The following SEMA3A variants were observed in gnomAD, a reference collection of about 807,000 sequenced individuals.
SEMA3A encodes the protein semaphorin-3A.
SEMA3A carries 29 observed loss-of-function variants against 97.9 expected under a neutral mutation model. The observed-to-expected ratio is 0.30, with a 90% CI of 0.22 to 0.40. The LOEUF (loss-of-function observed/expected upper bound fraction) is 0.40. SEMA3A is among the 10% of genes least tolerant of loss of function. The pLI is 1.00. For synonymous variants in SEMA3A, 321 were observed against 323.7 expected (o/e 0.99, Z 0.09); for missense variants, 763 against 951.3 (o/e 0.80, Z 2.60).
intron 13 of SEMA3A, among the ~76,000 whole-genome samples, chr7:83,981,719 G>A (rs1031563824): frequency 2.0e-5 from 3 of 152,154 alleles, no homozygotes; most frequent in African/African-American, 4.8e-5. Flanking sequence ...TAAAACAAAG[G>A]AAAGATGAAG....
At position 84,401,707 on chromosome 7, in the gene SEMA3A, C is replaced by T. The variant is rs1416339262; in HGVS notation, c.-245-29807G>A. Reference sequence around the variant, plus strand: ...TGGGGGACCAAGAAATAACTACACACATTTAAAGCCAAATGATTTTTCAGA... The same window carrying T: ...TGGGGGACCAAGAAATAACTACACATATTTAAAGCCAAATGATTTTTCAGA... On this transcript the variant is annotated intron_variant, in intron 1 of 3. Coordinates refer to the SEMA3A transcript ENST00000424555. 5.3e-5 allele frequency among the ~76,000 whole-genome samples: 8 copies of T among 152,186 alleles called. No individual in the cohort carries two copies. The Middle Eastern group carries it at 0.01, about 194-fold the overall frequency.
chr7:84,049,995 G>A (rs1438553319), intron 5 of SEMA3A, among the ~76,000 whole-genome samples: 2 of 150,768 alleles, frequency 1.3e-5, no homozygotes, highest in Non-Finnish European at 3.0e-5. Flanking sequence ...ATAGTTTACT[G>A]AGAATGATGT....
Position 84,105,720 on chromosome 7 carries a change from G to A in SEMA3A, c.453+4750C>T, listed in dbSNP as rs1029624201. Among the ~76,000 whole-genome samples, 19 of 152,154 alleles carry A rather than the reference G, an allele frequency of 1.2e-4. No individual in the cohort carries two copies. In the East Asian group the frequency reaches 3.5e-3, roughly 28 times the overall value. ...TTCATACTTTGTTTTATTAACAGAT[G>A]TAAATTTGAAGGGGAAATACCATAT... On this transcript the variant is annotated intron_variant, in intron 4 of 16. Coordinates refer to ENST00000265362, the MANE Select transcript of SEMA3A (RefSeq NM_006080.3).
chr7:84,277,147 T>C (rs1007110034), intron 3 of SEMA3A, among the ~76,000 whole-genome samples: 3 of 152,156 alleles, frequency 2.0e-5, no homozygotes, highest in Admixed American at 6.6e-5. Flanking sequence ...TTGAAGATGA[T>C]GATGAAGTCT....
intron 6 of SEMA3A, among the ~76,000 whole-genome samples, chr7:84,035,882 T>C (rs1184021085): frequency 1.3e-5 from 2 of 152,082 alleles, no homozygotes; most frequent in East Asian, 3.9e-4. Flanking sequence ...GATAACACAA[T>C]TTAAAAATCT....
chr7:84,159,958 C>T (rs961670151), intron 1 of SEMA3A, among the ~76,000 whole-genome samples: 1 of 151,988 alleles, frequency 6.6e-6, no homozygotes, highest in Non-Finnish European at 1.5e-5. Context: ...AAGAGTTACA[C>T]GATGGAAGGC....
intron 1 of SEMA3A, among the ~76,000 whole-genome samples, chr7:84,421,408 C>T (rs1016484230): frequency 6.6e-6 from 1 of 151,962 alleles, no homozygotes; most frequent in Non-Finnish European, 1.5e-5. Context: ...GGACACTAGA[C>T]AATAACTTGA....
intron 1 of SEMA3A, among the ~76,000 whole-genome samples, chr7:84,391,929 C>T (rs1803589813): frequency 4.7e-5 from 7 of 149,044 alleles, no homozygotes; most frequent in Admixed American, 4.7e-4. Flanking sequence ...CAATATACTC[C>T]AGCCTGAGAA....
chr7:84,005,706 G>A (rs1790639759), intron 10 of SEMA3A, 148 bp from the exon 11 acceptor site: 1 of 579,734 alleles, frequency 1.7e-6, no homozygotes, highest in Non-Finnish European at 2.9e-6. Flanking sequence ...CTAGCACTTT[G>A]AGAGGCCGAT....
At chr7:84,272,264 A>C (rs59859436) in intron 3 of SEMA3A, among the ~76,000 whole-genome samples, 143 of 152,176 alleles carry the variant, frequency 9.4e-4, no homozygotes, top group African/African-American at 3.4e-3. Context: ...GGGTAATTTC[A>C]TGTGCACCTG....
intron 15 of SEMA3A, among the ~76,000 whole-genome samples, chr7:83,966,567 C>T (rs1353730940): frequency 1.3e-5 from 2 of 152,094 alleles, no homozygotes; most frequent in Admixed American, 1.3e-4. Flanking sequence ...AGCTAGTGAC[C>T]GGTGAGGCTA....
chr7:84,104,185 A>C (rs1472418728), intron 4 of SEMA3A, among the ~76,000 whole-genome samples: 1 of 152,164 alleles, frequency 6.6e-6, no homozygotes, highest in Non-Finnish European at 1.5e-5. Flanking sequence ...CAGATACTAT[A>C]GTGCTCACTT....
intron 3 of SEMA3A, 95 bp downstream of exon 3, chr7:84,129,028 A>G (rs1338768673): frequency 1.1e-6 from 1 of 938,292 alleles, no homozygotes; most frequent in Non-Finnish European, 1.7e-6. Flanking sequence ...TTCCCCACAC[A>G]CACAAAAAAA....
At chr7:84,064,120 T>A (rs527664694) in intron 4 of SEMA3A, among the ~76,000 whole-genome samples, 1 of 152,320 alleles carries the variant, frequency 6.6e-6, no homozygotes, top group Admixed American at 6.5e-5. Context: ...ATATTCAACA[T>A]TCTTAAAGAA....
At chr7:84,257,096 T>C (rs1453462486) in intron 3 of SEMA3A, among the ~76,000 whole-genome samples, 2 of 152,034 alleles carry the variant, frequency 1.3e-5, no homozygotes, top group African/African-American at 4.8e-5. Context: ...CAATGTTCCA[T>C]GAATCAAATG....
chr7:84,102,450 C>T (rs1305266449), intron 4 of SEMA3A, among the ~76,000 whole-genome samples: 3 of 152,018 alleles, frequency 2.0e-5, no homozygotes, highest in African/African-American at 7.3e-5. Flanking sequence ...AGGAAAAGAG[C>T]AGTATTAAAG....
At chr7:84,147,800 C>A (rs1009506196) in intron 1 of SEMA3A, among the ~76,000 whole-genome samples, 1 of 152,166 alleles carries the variant, frequency 6.6e-6, no homozygotes, top group Non-Finnish European at 1.5e-5. Flanking sequence ...TACAACATGC[C>A]TGGTGCTATA....
intron 3 of SEMA3A, among the ~76,000 whole-genome samples, chr7:84,205,365 A>G (rs1798465238): frequency 6.6e-6 from 1 of 152,196 alleles, no homozygotes; most frequent in East Asian, 1.9e-4. Flanking sequence ...TTACTATAAT[A>G]GTTTCAACAG....
intron 2 of SEMA3A, among the ~76,000 whole-genome samples, chr7:84,351,338 T>C (rs73386951): frequency 0.011 from 1,623 of 152,266 alleles, 34 homozygotes; most frequent in African/African-American, 0.037. Flanking sequence ...TTGAAAAACA[T>C]TGACAACAAT....
Sources: gnomAD v4.1 joint callset for allele counts (sites outside exome capture counted in the v4.1 genomes callset) on GRCh38, gnomAD v4.1.1 for gene constraint, MANE v1.5 for transcripts, NCBI Gene and HGNC (gene_info 2026-07-23, HGNC 2026-07-21) for gene names.